Variants in CSNK1D observed in about 807,000 individuals in gnomAD.
CSNK1D encodes casein kinase 1 delta, also known as casein kinase I isoform delta.
In CSNK1D, 16 loss-of-function variants were observed where a neutral mutation model predicts 46.6. That is an observed-to-expected ratio of 0.34 (90% CI 0.23 to 0.52). The LOEUF (loss-of-function observed/expected upper bound fraction) is 0.52. Ranked by LOEUF, CSNK1D falls within the 20% of genes least tolerant of loss-of-function variation. The probability of loss-of-function intolerance (pLI) is 0.95; values close to 1 mark genes in which losing one functional copy is unlikely to be tolerated. For synonymous variants in CSNK1D, 276 were observed against 228.2 expected (o/e 1.21, Z -1.89); for missense variants, 398 against 578.4 (o/e 0.69, Z 3.20).
chr17:82,239,043 T>C, downstream of CSNK1D: 2 of 1,446,304 alleles, frequency 1.4e-6, no homozygotes, highest in South Asian at 1.5e-5. Context: ...CTATTTATTT[T>C]ACAAACTGGA....
intron 2 of CSNK1D, among the ~76,000 whole-genome samples, chr17:82,263,963 C>T (rs1267591481): frequency 6.6e-6 from 1 of 152,204 alleles, no homozygotes; most frequent in African/African-American, 2.4e-5. Flanking sequence ...CCTCTGGTCA[C>T]GTGAGGCCCG....
intron 8 of CSNK1D, chr17:82,246,165 G>C (rs1312165233): frequency 1.3e-6 from 2 of 1,542,600 alleles, no homozygotes; most frequent in African/African-American, 2.7e-5. Flanking sequence ...TGCCACCTGG[G>C]GGAGCCCAGG....
chr17:82,244,701 G>GA lies in CSNK1D; in HGVS notation c.*79dup, dbSNP rs1272370319. 2 of 1,609,490 alleles carry GA rather than the reference G, an allele frequency of 1.2e-6. No individual in the cohort carries two copies. Among genetic ancestry groups the GA allele is most frequent in the Non-Finnish European group, 1.7e-6 (2 of 1,179,302 alleles). ...TTAACATTTCGATCCTAGACCGGGG[G>GA]ACGTGTCACTAGTAAAGCCATTGGT... On this transcript the variant is annotated 3_prime_UTR_variant, in exon 9 of 9. Transcript: ENST00000314028.
rs1284988676 is a variant in CSNK1D, at chr17:82,255,360, A to G, written c.336+69T>C. The G allele has an allele frequency of 4.5e-6, 7 of 1,570,128 alleles. No homozygotes were observed. The African/African-American group carries it at 6.8e-5, about 15-fold the overall frequency. The stretch of plus-strand genomic sequence containing the variant: ...ATTAATGGCCATAATAATGGCAAGA[A>G]CAGCACAAGCGAGTGGCTGATTCTA... On this transcript the variant is annotated intron_variant, in intron 3 of 8. Transcript: ENST00000314028. This position sits in a 1 kb window ranked among gnomAD's most constrained non-coding sequence, Gnocchi z 5.9.
In CSNK1D at chr17:82,244,834, G is replaced by T. The variant is rs1252530302; in HGVS notation, c.1198-3C>A. ...CTGGAAGCCACCCGACCAGGAATCT[G>T]TCGGAGCCAAAGCACAGGAGAAGGT... On this transcript the variant is annotated splice_polypyrimidine_tract_variant and splice_region_variant and intron_variant, in intron 8 of 8. Transcript: ENST00000314028. The T allele has an allele frequency of 6.2e-7, 1 of 1,613,660 alleles. No homozygotes were observed. Among genetic ancestry groups the T allele is most frequent in the African/African-American group, 1.3e-5 (1 of 74,954 alleles).
At chr17:82,246,471 G>A in intron 8 of CSNK1D, 2 of 1,116,232 alleles carry the variant, frequency 1.8e-6, no homozygotes, top group Non-Finnish European at 2.2e-6. Flanking sequence ...ATCGACTGTT[G>A]GAATGACAAG....
Position 82,273,249 on chromosome 17 carries a change from CT to C in CSNK1D, c.76+56del. On this transcript the variant is annotated intron_variant, in intron 1 of 8. Coordinates refer to ENST00000314028, the MANE Select transcript of CSNK1D (RefSeq NM_001893.6). The surrounding 1 kb of genome is among the most constrained non-coding windows in gnomAD (Gnocchi z 5.1). ...ACTTCCTTCCGCGATCGCGCTTGGT[CT>C]TGGCAGCCGCAGGGCCCGGGTCTTC... is the stretch of plus-strand genomic sequence containing the variant. 3.2e-6 allele frequency: 5 copies of C among 1,547,112 alleles called. No homozygotes were observed. Among genetic ancestry groups the C allele is most frequent in the Middle Eastern group, 2.2e-4 (1 of 4,536 alleles).
chr17:82,244,046 GCCT>G lies in CSNK1D; in HGVS notation c.*732_*734del, dbSNP rs1177123317. 2 of 988,798 alleles carry G rather than the reference GCCT, an allele frequency of 2.0e-6. No homozygotes were observed. Among genetic ancestry groups the G allele is most frequent in the African/African-American group, 1.7e-5 (1 of 57,360 alleles). 61.3% of individuals were successfully genotyped at this position (988,798 alleles called of 1,614,324 possible). On this transcript the variant is annotated 3_prime_UTR_variant, in exon 9 of 9. Transcript: ENST00000314028. ...TGCGGTCCCTAACTGCTCTCCGAGG[GCCT>G]CAAGAGTTCCTGACAGCAGGCATGT...
At chr17:82,240,157 C>G, downstream of CSNK1D, 1 of 979,622 alleles carries the variant, frequency 1.0e-6, no homozygotes, top group Non-Finnish European at 1.3e-6. Context: ...CTCTTGCAGC[C>G]CAGGCTCCTG....
rs2050895542 is a variant in CSNK1D at position 82,248,032 on chromosome 17, C to T, written c.1197+843G>A. 1 of 985,430 alleles carries T rather than the reference C, an allele frequency of 1.0e-6. No individual in the cohort carries two copies. The allele number at this position is 985,430 out of a possible 1,614,324, so 61.0% of individuals were successfully genotyped here. On this transcript the variant is annotated intron_variant, in intron 8 of 8. Coordinates refer to ENST00000314028, the MANE Select transcript of CSNK1D (RefSeq NM_001893.6). This position sits in a 1 kb window ranked among gnomAD's most constrained non-coding sequence, Gnocchi z 4.1. The stretch of plus-strand genomic sequence containing the variant: ...ATCCTGTGATCCCAACAAACACCTC[C>T]CCACAAGCCCAGAGCCAGGCTCCAG...
chr17:82,265,177 G>GA (rs1266522701), intron 2 of CSNK1D: 9 of 204,308 alleles, frequency 4.4e-5, no homozygotes, highest in Non-Finnish European at 8.0e-5. Context: ...GATGGTATAA[G>GA]ATTTTTTTTT....
At chr17:82,268,043 C>T (rs952829421) in intron 1 of CSNK1D, among the ~76,000 whole-genome samples, 26 of 152,254 alleles carry the variant, frequency 1.7e-4, no homozygotes, top group Admixed American at 1.7e-3. Context: ...TCTCGCTGTG[C>T]AAGCACACAG....
intron 1 of CSNK1D, among the ~76,000 whole-genome samples, chr17:82,267,661 G>A (rs532666693): frequency 2.6e-5 from 4 of 152,204 alleles, no homozygotes; most frequent in Non-Finnish European, 5.9e-5. Flanking sequence ...ATCGAAAAAT[G>A]TACTGTGTAA....
intron 8 of CSNK1D, chr17:82,247,645 G>A (rs1179110237): frequency 1.3e-5 from 13 of 985,312 alleles, no homozygotes; most frequent in Admixed American, 6.1e-5. Context: ...GAACTGATGC[G>A]CAAGTGCCAG....
chr17:82,242,173 C>G (rs2050749199), downstream of CSNK1D, among the ~76,000 whole-genome samples: 1 of 150,584 alleles, frequency 6.6e-6, no homozygotes, highest in Admixed American at 6.6e-5. Context: ...AGCCTGACAG[C>G]CCCCGCAGGC....
At chr17:82,272,793 C>G (rs538341705) in intron 1 of CSNK1D, among the ~76,000 whole-genome samples, 5 of 152,350 alleles carry the variant, frequency 3.3e-5, no homozygotes, top group Non-Finnish European at 7.4e-5. Context: ...CCGGACCGGG[C>G]TGCGGAAGAA....
rs1295106197 is a variant in CSNK1D, at chr17:82,245,531, G to A, written c.1198-700C>T. 3 of 236,292 alleles carry A rather than the reference G, an allele frequency of 1.3e-5. No individual in the cohort carries two copies. The East Asian group carries it at 3.3e-4, about 26-fold the overall frequency. The allele number at this position is 236,292 out of a possible 1,614,324, so 14.6% of individuals were successfully genotyped here. ...CAGAGACTGCCCAGAGTGTGGCGCA[G>A]CAAGAGCTTAGGAGCCCCCAACACC... is the stretch of plus-strand genomic sequence containing the variant. On this transcript the variant is annotated intron_variant, in intron 8 of 8. Coordinates refer to ENST00000314028, the MANE Select transcript of CSNK1D (RefSeq NM_001893.6).
chr17:82,244,055 G>A lies in CSNK1D; in HGVS notation c.*726C>T. The A allele has an allele frequency of 1.0e-6, 1 of 989,652 alleles. No homozygotes were observed. The highest frequency in any genetic ancestry group is 1.2e-6 in the Non-Finnish European group (1 of 832,370). The allele number at this position is 989,652 out of a possible 1,614,324, so 61.3% of individuals were successfully genotyped here. A position where few individuals can be genotyped will look rare whatever the true frequency, so the allele number is the denominator to read the frequency against. On this transcript the variant is annotated 3_prime_UTR_variant, in exon 9 of 9. Transcript: ENST00000314028. ...TAACTGCTCTCCGAGGGCCTCAAGAGTTCCTGACAGCAGGCATGTCAATTA... is the reference window on the plus strand; with the variant it reads ...TAACTGCTCTCCGAGGGCCTCAAGAATTCCTGACAGCAGGCATGTCAATTA...
rs1435700605 is a variant in CSNK1D, at chr17:82,248,917, G to A, written c.1155C>T (p.Asp385=). ...RGAPVNISSS[D]LTGRQDTSRM... ...GAGAGGTATCTTGTCGGCCTGTGAGGTCGGACGAGGAGATGTTGACGGGGG... is the reference window on the plus strand; with the variant it reads ...GAGAGGTATCTTGTCGGCCTGTGAGATCGGACGAGGAGATGTTGACGGGGG... Residue 385 remains aspartate (D), a synonymous_variant, in exon 8 of 9, where the codon GAC becomes GAT. Transcript: ENST00000314028. The surrounding 1 kb of genome is among the most constrained non-coding windows in gnomAD (Gnocchi z 4.1). 13 of 1,609,228 alleles carry A rather than the reference G, an allele frequency of 8.1e-6. No homozygotes were observed. Among genetic ancestry groups the A allele is most frequent in the African/African-American group, 1.3e-5 (1 of 74,862 alleles).
Sources: gnomAD v4.1 joint callset for allele counts (sites outside exome capture counted in the v4.1 genomes callset) on GRCh38, gnomAD v4.1.1 for gene constraint, Gnocchi (gnomAD v3.1) non-coding constraint, MANE v1.5 for transcripts, NCBI Gene and HGNC (gene_info 2026-07-23, HGNC 2026-07-21) for gene names.